Variants in SLC35F4 observed in about 807,000 individuals in gnomAD.
The protein encoded by SLC35F4 is chromosome 14 open reading frame 36.
In SLC35F4, 24 loss-of-function variants were observed where a neutral mutation model predicts 44.2. That is an observed-to-expected ratio of 0.54 (90% CI 0.39 to 0.76). The LOEUF is 0.76. SLC35F4 is among the 30% of genes least tolerant of loss of function. SLC35F4 has a pLI of 0.00. For synonymous variants in SLC35F4, 238 were observed against 223.6 expected, an observed-to-expected ratio of 1.06 and a Z score of -0.57; for missense variants, 562 against 586.1, an observed-to-expected ratio of 0.96 and a Z score of 0.42.
chr14:57,941,376 A>G (rs1889913684), intron 1 of SLC35F4, among the ~76,000 whole-genome samples: 1 of 152,250 alleles, frequency 6.6e-6, no homozygotes, highest in Non-Finnish European at 1.5e-5. Flanking sequence ...GTACTGATAC[A>G]TGCTGTAACA....
At chr14:57,568,404 A>G (rs1458642840) in intron 6 of SLC35F4, among the ~76,000 whole-genome samples, 1 of 152,042 alleles carries the variant, frequency 6.6e-6, no homozygotes, top group African/African-American at 2.4e-5. Flanking sequence ...TTTACTTAGG[A>G]TTGTTCCCAT....
chr14:57,871,786 A>G (rs992999717), intron 1 of SLC35F4, among the ~76,000 whole-genome samples: 6 of 152,188 alleles, frequency 3.9e-5, no homozygotes, highest in African/African-American at 1.4e-4. Flanking sequence ...CTAGACACTC[A>G]AGGGTTTTCT....
chr14:57,753,068 G>A (rs2076921977), intron 1 of SLC35F4, among the ~76,000 whole-genome samples: 1 of 152,198 alleles, frequency 6.6e-6, no homozygotes, highest in Non-Finnish European at 1.5e-5. Context: ...GAACTGCCGG[G>A]GAGAGAAGAG....
intron 1 of SLC35F4, among the ~76,000 whole-genome samples, chr14:57,707,196 A>G (rs1427922385): frequency 6.6e-6 from 1 of 152,170 alleles, no homozygotes. Flanking sequence ...TGAAGATGTT[A>G]CTTCCTGAGA....
chr14:57,918,901 T>C (rs1889385055), intron 1 of SLC35F4, among the ~76,000 whole-genome samples: 1 of 152,202 alleles, frequency 6.6e-6, no homozygotes, highest in Non-Finnish European at 1.5e-5. Flanking sequence ...TAAGATAGCA[T>C]AGTGTGACAG....
intron 1 of SLC35F4, among the ~76,000 whole-genome samples, chr14:57,933,486 T>C (rs72714726): frequency 1.4e-4 from 22 of 152,212 alleles, no homozygotes; most frequent in Non-Finnish European, 2.8e-4. Context: ...GTTTAATCAG[T>C]GAGGGCCTCT....
chr14:57,782,870 T>C (rs1413904719), intron 1 of SLC35F4, among the ~76,000 whole-genome samples: 3 of 152,174 alleles, frequency 2.0e-5, no homozygotes, highest in Non-Finnish European at 1.5e-5. Flanking sequence ...AGAAAAGTCA[T>C]GACATTACAA....
intron 1 of SLC35F4, among the ~76,000 whole-genome samples, chr14:57,830,614 A>G (rs960189322): frequency 1.3e-5 from 2 of 152,176 alleles, no homozygotes; most frequent in Non-Finnish European, 2.9e-5. Context: ...TTAAAATCTC[A>G]TAATTAAATG....
chr14:57,576,040 C>T (rs1006507721), intron 4 of SLC35F4, among the ~76,000 whole-genome samples: 1 of 151,634 alleles, frequency 6.6e-6, no homozygotes. Flanking sequence ...CAAAAGCCCA[C>T]AAAGGTTTGG....
At chr14:57,940,195 A>G (rs1190780228) in intron 1 of SLC35F4, among the ~76,000 whole-genome samples, 1 of 152,200 alleles carries the variant, frequency 6.6e-6, no homozygotes. Flanking sequence ...CAGTATTGTC[A>G]TCCATTGAAT....
intron 1 of SLC35F4, among the ~76,000 whole-genome samples, chr14:57,681,990 A>C (rs1001610300): frequency 6.6e-6 from 1 of 152,226 alleles, no homozygotes; most frequent in Non-Finnish European, 1.5e-5. Flanking sequence ...AAAAGTTAGG[A>C]AACAACAGAT....
At chr14:57,922,982 G>C (rs1260716512) in intron 1 of SLC35F4, among the ~76,000 whole-genome samples, 4 of 152,216 alleles carry the variant, frequency 2.6e-5, no homozygotes, top group African/African-American at 4.8e-5. Flanking sequence ...TGCCTACTAA[G>C]AGGCAAAAGC....
chr14:57,819,342 T>C (rs1042794690), intron 1 of SLC35F4, among the ~76,000 whole-genome samples: 5 of 152,052 alleles, frequency 3.3e-5, no homozygotes, highest in Non-Finnish European at 1.5e-5. Flanking sequence ...AATATATAAA[T>C]AGATACACAA....
chr14:57,955,005 G>C (rs972538515), intron 1 of SLC35F4, among the ~76,000 whole-genome samples: 3 of 147,886 alleles, frequency 2.0e-5, no homozygotes, highest in African/African-American at 7.5e-5. Context: ...AAAATTTCAG[G>C]CCAATATCCC....
intron 1 of SLC35F4, among the ~76,000 whole-genome samples, chr14:57,811,652 T>C (rs1018940373): frequency 6.6e-6 from 1 of 152,194 alleles, no homozygotes; most frequent in Non-Finnish European, 1.5e-5. Context: ...GGACAGAACA[T>C]TGCATAACAA....
upstream of SLC35F4, among the ~76,000 whole-genome samples, chr14:57,870,810 A>C (rs1888282926): frequency 6.6e-6 from 1 of 152,174 alleles, no homozygotes; most frequent in African/African-American, 2.4e-5. Flanking sequence ...ACACTCTTGG[A>C]GCTTCACTGT....
chr14:57,954,061 A>T (rs1890192404), intron 1 of SLC35F4, among the ~76,000 whole-genome samples: 1 of 152,246 alleles, frequency 6.6e-6, no homozygotes, highest in African/African-American at 2.4e-5. Context: ...AAGGAACAGA[A>T]AGCATAACAA....
chr14:57,677,356 A>G (rs538514156), intron 1 of SLC35F4, among the ~76,000 whole-genome samples: 10 of 152,058 alleles, frequency 6.6e-5, no homozygotes, highest in Non-Finnish European at 1.3e-4. Flanking sequence ...AATGACCACT[A>G]AAGACCTTAT....
intron 1 of SLC35F4, among the ~76,000 whole-genome samples, chr14:57,865,216 C>T (rs1325752323): frequency 6.6e-6 from 1 of 152,134 alleles, no homozygotes; most frequent in Non-Finnish European, 1.5e-5. Flanking sequence ...CTCAACAGCC[C>T]GGAGTGAACG....
Sources: allele counts gnomAD v4.1 joint callset (sites outside exome capture counted in the v4.1 genomes callset), GRCh38; gene constraint gnomAD v4.1.1; transcripts MANE v1.5; gene names NCBI Gene and HGNC (gene_info 2026-07-23, HGNC 2026-07-21).